The following IL15 variants were observed in gnomAD, a reference collection of about 807,000 sequenced individuals.
The protein encoded by IL15 is interleukin 15.
A neutral mutation model predicts 19.6 loss-of-function variants in IL15; 11 were observed. That is an observed-to-expected ratio of 0.56 (90% confidence interval 0.35 to 0.93). IL15 has a LOEUF of 0.93. Ranked by LOEUF, IL15 falls within the 40% of genes least tolerant of loss-of-function variation. IL15 has a pLI of 0.01. For synonymous variants in IL15, 58 were observed against 59.6 expected (o/e 0.97, Z 0.12); for missense variants, 197 against 186.5 (o/e 1.06, Z -0.33).
At chr4:141,668,412 C>A (rs1728062732) in intron 2 of IL15, among the ~76,000 whole-genome samples, 1 of 152,238 alleles carries the variant, frequency 6.6e-6, no homozygotes, top group Non-Finnish European at 1.5e-5. Context: ...TTGGCAGAAA[C>A]TTCTGGATTC....
chr4:141,654,253 T>TA (rs1727511318), intron 1 of IL15, among the ~76,000 whole-genome samples: 1 of 152,152 alleles, frequency 6.6e-6, no homozygotes. Context: ...TTGGGGATGT[T>TA]ACAGCTCTGG....
intron 5 of IL15, 135 bp from the exon 6 acceptor site, chr4:141,727,805 C>A (rs1029399018): frequency 3.3e-6 from 2 of 607,072 alleles, no homozygotes; most frequent in African/African-American, 1.9e-5. Context: ...TTTACTCTTA[C>A]AGTTTCATAT....
At chr4:141,704,226 T>C (rs986344700) in intron 2 of IL15, among the ~76,000 whole-genome samples, 2 of 152,200 alleles carry the variant, frequency 1.3e-5, no homozygotes, top group Admixed American at 6.5e-5. Flanking sequence ...ATTCCTTCTA[T>C]GTCTAATTTT....
chr4:141,706,177 G>A (rs1729508419), intron 2 of IL15, among the ~76,000 whole-genome samples: 1 of 151,118 alleles, frequency 6.6e-6, no homozygotes, highest in Non-Finnish European at 1.5e-5. Flanking sequence ...GTGGTTTGGT[G>A]GTTTTATGTG....
chr4:141,690,292 A>T (rs1305599436), intron 2 of IL15, among the ~76,000 whole-genome samples: 1 of 152,186 alleles, frequency 6.6e-6, no homozygotes, highest in Non-Finnish European at 1.5e-5. Context: ...TGGCCAGCGC[A>T]GAAAGGGGCT....
At chr4:141,653,335 A>G (rs996023599) in intron 1 of IL15, among the ~76,000 whole-genome samples, 1 of 152,192 alleles carries the variant, frequency 6.6e-6, no homozygotes, top group African/African-American at 2.4e-5. Flanking sequence ...ATATGATTAG[A>G]CAAAATATTT....
intron 7 of IL15, 51 bp from the exon 8 acceptor site, chr4:141,732,687 T>G: frequency 6.3e-7 from 1 of 1,593,058 alleles, no homozygotes; most frequent in Non-Finnish European, 8.5e-7. Context: ...CATGAATGTA[T>G]ATTTAATTTA....
intron 2 of IL15, chr4:141,717,112 T>G (rs1729912695): frequency 6.6e-6 from 1 of 152,192 alleles, no homozygotes; most frequent in African/African-American, 2.4e-5. Context: ...TAACTAGATT[T>G]AGATAAGTAT....
chr4:141,647,339 C>T (rs946040205), intron 1 of IL15, among the ~76,000 whole-genome samples: 5 of 151,862 alleles, frequency 3.3e-5, no homozygotes, highest in Admixed American at 1.3e-4. Flanking sequence ...GGAAATATCA[C>T]GATTGAGTTA....
intron 1 of IL15, among the ~76,000 whole-genome samples, chr4:141,648,617 A>T (rs1727305698): frequency 6.6e-6 from 1 of 152,052 alleles, no homozygotes; most frequent in Non-Finnish European, 1.5e-5. Context: ...CTGTTAAAAA[A>T]ATTTGCAGTT....
rs182018499 is a variant in IL15 at position 141,711,908 on chromosome 4, T to C, written c.-99-7458T>C. On this transcript the variant is annotated intron_variant, in intron 2 of 7. Transcript: ENST00000320650. The stretch of plus-strand genomic sequence containing the variant: ...ACCTTGAAGATGAATTCTCTTGTCT[T>C]GTAAGTACCATGATCAGATTCATTC... 1.1e-4 allele frequency among the ~76,000 whole-genome samples: 16 copies of C among 152,246 alleles called. No homozygotes were observed. The East Asian group carries it at 2.9e-3, about 28-fold the overall frequency.
At chr4:141,666,842 G>A (rs1380981785) in intron 2 of IL15, among the ~76,000 whole-genome samples, 2 of 152,170 alleles carry the variant, frequency 1.3e-5, no homozygotes, top group East Asian at 3.9e-4. Flanking sequence ...ATGCTGCACA[G>A]AGAGGCCAAG....
At chr4:141,686,148 A>T (rs1728704331) in intron 2 of IL15, among the ~76,000 whole-genome samples, 1 of 152,090 alleles carries the variant, frequency 6.6e-6, no homozygotes, top group African/African-American at 2.4e-5. Context: ...TAAAAAAATT[A>T]GCCAGGCATG....
chr4:141,660,144 A>G (rs1377791981), intron 2 of IL15, among the ~76,000 whole-genome samples: 1 of 152,190 alleles, frequency 6.6e-6, no homozygotes, highest in Non-Finnish European at 1.5e-5. Context: ...TGGATAGTCA[A>G]CTGGGGAATG....
chr4:141,687,606 G>A (rs943013024), intron 2 of IL15, among the ~76,000 whole-genome samples: 1 of 152,166 alleles, frequency 6.6e-6, no homozygotes. Flanking sequence ...ACTTGTAAGT[G>A]CTCAGTAAAT....
At chr4:141,677,843 A>G (rs1262507311) in intron 2 of IL15, among the ~76,000 whole-genome samples, 2 of 152,200 alleles carry the variant, frequency 1.3e-5, no homozygotes, top group East Asian at 1.9e-4. Context: ...ACATGAAACA[A>G]TCACAGGAGT....
Position 141,728,464 on chromosome 4 carries a change from AAGGAAAC to A in IL15, c.240+482_240+488del, listed in dbSNP as rs3836665. Among the ~76,000 whole-genome samples, 17 of 152,268 alleles carry A rather than the reference AAGGAAAC, an allele frequency of 1.1e-4. No homozygotes were observed. In the East Asian group the frequency reaches 3.3e-3, roughly 29 times the overall value. On this transcript the variant is annotated intron_variant, in intron 6 of 7. Coordinates refer to ENST00000320650, the MANE Select transcript of IL15 (RefSeq NM_000585.5). ...GATTCTAATTATTCTCTATGTGAGA[AAGGAAAC>A]ATAACCCATGAAACTTATTAGAACT...
At chr4:141,638,655 G>A (rs1183125680) in intron 1 of IL15, among the ~76,000 whole-genome samples, 2 of 152,208 alleles carry the variant, frequency 1.3e-5, no homozygotes, top group African/African-American at 4.8e-5. Flanking sequence ...TTTCCTTGGG[G>A]GATGGAGAAA....
intron 2 of IL15, among the ~76,000 whole-genome samples, chr4:141,663,064 C>A (rs1414553137): frequency 6.6e-6 from 1 of 151,844 alleles, no homozygotes; most frequent in Non-Finnish European, 1.5e-5. Flanking sequence ...AAAATAATAT[C>A]ATGATCAAGT....
Sources: allele counts gnomAD v4.1 joint callset (sites outside exome capture counted in the v4.1 genomes callset), GRCh38; gene constraint gnomAD v4.1.1; transcripts MANE v1.5; gene names NCBI Gene and HGNC (gene_info 2026-07-23, HGNC 2026-07-21).